The following ARHGAP42 variants were observed in gnomAD, a reference collection of about 807,000 sequenced individuals.
ARHGAP42 encodes the protein rho GTPase-activating protein 42.
A neutral mutation model predicts 125.0 loss-of-function variants in ARHGAP42; 63 were observed. The ratio of observed to expected loss-of-function variants is 0.50; its 90% CI spans 0.41 to 0.62. ARHGAP42 has a LOEUF of 0.62. Among genes scored for constraint, ARHGAP42 ranks in the 20% least tolerant of loss-of-function variants. The probability of loss-of-function intolerance (pLI) is 0.00; values close to 1 mark genes in which losing one functional copy is unlikely to be tolerated. For missense variants in ARHGAP42, 766 were observed against 1,024.2 expected (o/e 0.75, Z 3.44); for synonymous variants, 339 against 351.0 (o/e 0.97, Z 0.38).
At position 100,976,943 on chromosome 11, in the gene ARHGAP42, A is replaced by G; in HGVS notation, c.2365A>G (p.Ser789Gly). The G allele has an allele frequency of 1.3e-6, 2 of 1,551,442 alleles. No homozygotes were observed. Among genetic ancestry groups the G allele is most frequent in the Non-Finnish European group, 1.7e-6 (2 of 1,146,800 alleles). The change falls in exon 21 of 24, where the codon AGC becomes GGC. Residue 789 changes from serine to glycine, a missense_variant. This residue lies in a region of ARHGAP42 where 308 missense variants were observed against 369.7 expected (regional missense o/e 0.83). Coordinates refer to ENST00000298815, the MANE Select transcript of ARHGAP42 (RefSeq NM_152432.4). Reference protein sequence around the residue: ...CRRLRLDTASSNGYQRPGSVV... With the variant: ...CRRLRLDTASGNGYQRPGSVV... ...GAGATTAAGACTAGACACTGCCTCA[A>G]GCAATGGCTATCAGCGGCCTGGCTC...
intron 3 of ARHGAP42, among the ~76,000 whole-genome samples, chr11:100,843,369 C>T (rs1440331193): frequency 6.6e-6 from 1 of 151,766 alleles, no homozygotes; most frequent in Non-Finnish European, 1.5e-5. Flanking sequence ...TGGATTCTTG[C>T]TTATTTCTAC....
intron 16 of ARHGAP42, among the ~76,000 whole-genome samples, chr11:100,965,035 G>A (rs1858054683): frequency 6.6e-6 from 1 of 152,132 alleles, no homozygotes; most frequent in Non-Finnish European, 1.5e-5. Flanking sequence ...CAATCATGGT[G>A]GAAGGTGCCT....
At chr11:100,877,573 A>C (rs537200564) in intron 4 of ARHGAP42, among the ~76,000 whole-genome samples, 2 of 152,166 alleles carry the variant, frequency 1.3e-5, no homozygotes, top group Non-Finnish European at 2.9e-5. Context: ...CTGTATCTTG[A>C]GTCTGGCTTT....
At chr11:100,843,758 T>C (rs1565238203) in intron 3 of ARHGAP42, among the ~76,000 whole-genome samples, 1 of 151,938 alleles carries the variant, frequency 6.6e-6, no homozygotes, top group Admixed American at 6.6e-5. Flanking sequence ...TGAAACACCT[T>C]TACAAGGAAA....
In ARHGAP42 at chr11:100,874,105, C is replaced by T. The variant is rs1865757559; in HGVS notation, c.384+14480C>T. On this transcript the variant is annotated intron_variant, in intron 4 of 23. Transcript: ENST00000298815. ...GGTTTGGATGTTCAGGTGCATGGCA[C>T]TGGCTTCTCCCAAGGGCTTTTGTGC... is the stretch of plus-strand genomic sequence containing the variant. Among the ~76,000 whole-genome samples, 7 of 152,328 alleles carry T rather than the reference C, an allele frequency of 4.6e-5. No individual in the cohort carries two copies. In the South Asian group the frequency reaches 1.4e-3, roughly 32 times the overall value.
intron 3 of ARHGAP42, among the ~76,000 whole-genome samples, chr11:100,828,735 T>C (rs980688528): frequency 6.6e-6 from 1 of 151,422 alleles, no homozygotes; most frequent in South Asian, 2.1e-4. Flanking sequence ...TCACCCAGGC[T>C]GGAGTGCAGT....
intron 1 of ARHGAP42, among the ~76,000 whole-genome samples, chr11:100,766,224 T>G (rs11224440): frequency 0.13 from 19,189 of 148,268 alleles, 1,384 homozygotes; most frequent in East Asian, 0.29. Flanking sequence ...GGATGTGGGG[T>G]GTGTGTGTGT....
intron 17 of ARHGAP42, among the ~76,000 whole-genome samples, chr11:100,968,777 G>A (rs1175677459): frequency 6.6e-6 from 1 of 151,948 alleles, no homozygotes; most frequent in African/African-American, 2.4e-5. Flanking sequence ...GGCTGTTACT[G>A]TCAAATATAT....
intron 1 of ARHGAP42, among the ~76,000 whole-genome samples, chr11:100,726,682 C>T (rs1485291694): frequency 6.6e-6 from 1 of 152,210 alleles, no homozygotes; most frequent in Non-Finnish European, 1.5e-5. Flanking sequence ...ACATGGAGCA[C>T]TACCAAAAAG....
At chr11:100,936,790 G>A (rs1944434) in intron 8 of ARHGAP42, among the ~76,000 whole-genome samples, 22,694 of 152,008 alleles carry the variant, frequency 0.15, 1,953 homozygotes, top group East Asian at 0.25. Context: ...CCTGAGGTTC[G>A]GAAATAAGTA....
At chr11:100,939,968 C>T (rs1021140188) in intron 8 of ARHGAP42, among the ~76,000 whole-genome samples, 15 of 152,246 alleles carry the variant, frequency 9.9e-5, no homozygotes, top group Admixed American at 1.3e-4. Flanking sequence ...TCACTACATA[C>T]GAGAATTTCT....
intron 1 of ARHGAP42, among the ~76,000 whole-genome samples, chr11:100,705,392 C>T (rs752573304): frequency 2.4e-4 from 36 of 152,212 alleles, no homozygotes; most frequent in Non-Finnish European, 3.8e-4. Context: ...CTTTTCAATT[C>T]TAGGTCTGCG....
chr11:100,843,849 A>G (rs184693118), intron 3 of ARHGAP42, among the ~76,000 whole-genome samples: 285 of 152,298 alleles, frequency 1.9e-3, no homozygotes, highest in African/African-American at 5.7e-3. Context: ...GATAGAATCA[A>G]TGTTGTGAAA....
chr11:100,807,202 T>C (rs570689204), intron 3 of ARHGAP42, among the ~76,000 whole-genome samples: 1 of 151,082 alleles, frequency 6.6e-6, no homozygotes, highest in South Asian at 2.1e-4. Flanking sequence ...TTTCTTTTTT[T>C]TTTTTCTTTT....
intron 9 of ARHGAP42, among the ~76,000 whole-genome samples, chr11:100,942,429 A>G (rs1394044931): frequency 6.6e-6 from 1 of 152,198 alleles, no homozygotes; most frequent in African/African-American, 2.4e-5. Flanking sequence ...AACAGTATAG[A>G]ATACAATGTA....
chr11:100,896,220 AT>A (rs1866358300), intron 4 of ARHGAP42, among the ~76,000 whole-genome samples: 1 of 150,416 alleles, frequency 6.6e-6, no homozygotes, highest in Non-Finnish European at 1.5e-5. Flanking sequence ...TGTGTGCCAC[AT>A]TTTCTTAATC....
chr11:100,754,711 G>A (rs1862533191), intron 1 of ARHGAP42, among the ~76,000 whole-genome samples: 1 of 152,088 alleles, frequency 6.6e-6, no homozygotes, highest in African/African-American at 2.4e-5. Context: ...ACTCCTCAAG[G>A]GAGAACAGAG....
chr11:100,956,232 A>G (rs927887043), intron 12 of ARHGAP42, among the ~76,000 whole-genome samples: 1 of 152,148 alleles, frequency 6.6e-6, no homozygotes, highest in Non-Finnish European at 1.5e-5. Flanking sequence ...GATTGCCTTT[A>G]TTTCAGTGAG....
intron 22 of ARHGAP42, among the ~76,000 whole-genome samples, chr11:100,981,361 G>A (rs60312663): frequency 6.6e-6 from 1 of 152,008 alleles, no homozygotes; most frequent in South Asian, 2.1e-4. Flanking sequence ...ATATTCTTTT[G>A]TACTCTTAAA....
Sources: gnomAD v4.1 joint callset for allele counts (sites outside exome capture counted in the v4.1 genomes callset) on GRCh38, gnomAD v4.1.1 for gene constraint, gnomAD v4.1.1 regional missense constraint, MANE v1.5 for transcripts, NCBI Gene and HGNC (gene_info 2026-07-23, HGNC 2026-07-21) for gene names.